CMTM1: variants seen among roughly 807,000 people sequenced by gnomAD.
CMTM1 encodes the protein CKLF-like MARVEL transmembrane domain-containing protein 1.
Under a neutral mutation model 17.8 loss-of-function variants are expected in CMTM1, and 16 were observed. The ratio of observed to expected loss-of-function variants is 0.90; its 90% CI spans 0.61 to 1.37. CMTM1 has a LOEUF of 1.37. CMTM1 is among the 40% of genes most tolerant of loss of function. The pLI is 0.00. For missense variants in CMTM1, 354 were observed against 375.6 expected (o/e 0.94, Z 0.47); for synonymous variants, 169 against 154.6 (o/e 1.09, Z -0.69).
intron 2 of CMTM1, among the ~76,000 whole-genome samples, chr16:66,571,620 C>T (rs2013551408): frequency 6.6e-6 from 1 of 152,308 alleles, no homozygotes; most frequent in Non-Finnish European, 1.5e-5. Flanking sequence ...TAAATTTTAT[C>T]TCTGTATCTT....
At chr16:66,571,150 G>A (rs2013466025) in intron 2 of CMTM1, 1 of 457,362 alleles carries the variant, frequency 2.2e-6, no homozygotes, top group Non-Finnish European at 4.4e-6. Context: ...GCCGAGTACA[G>A]GAAGCAGACA....
intron 2 of CMTM1, among the ~76,000 whole-genome samples, chr16:66,574,588 T>C (rs1441783340): frequency 6.6e-6 from 1 of 152,244 alleles, no homozygotes; most frequent in Non-Finnish European, 1.5e-5. Context: ...AAACCTTAGC[T>C]CCAATGGACA....
intron 2 of CMTM1, among the ~76,000 whole-genome samples, chr16:66,575,996 T>A (rs954204264): frequency 7.2e-5 from 11 of 152,216 alleles, no homozygotes; most frequent in African/African-American, 2.7e-4. Context: ...TCCATTATTG[T>A]TTTGCTAAGG....
chr16:66,575,791 C>T (rs905743272), intron 2 of CMTM1, among the ~76,000 whole-genome samples: 19 of 152,218 alleles, frequency 1.2e-4, no homozygotes, highest in Admixed American at 6.5e-5. Context: ...TCCATGATAC[C>T]ATACACTGGA....
Position 66,566,955 on chromosome 16 carries a change from G to A in CMTM1, c.432+10G>A, listed in dbSNP as rs776403973. On this transcript the variant is annotated intron_variant, in intron 1 of 3. Coordinates refer to ENST00000379500, the MANE Select transcript of CMTM1 (RefSeq NM_052999.4). The surrounding 1 kb of genome is among the most constrained non-coding windows in gnomAD (Gnocchi z 4.9). The stretch of plus-strand genomic sequence containing the variant: ...GAAGATCCTGAGACTGGTGAGCGGA[G>A]AGCTGGTGAGACCTAGCTGGGCGGA... The A allele has an allele frequency of 1.9e-6, 3 of 1,613,960 alleles. No homozygotes were observed. In the Admixed American group the frequency reaches 5.0e-5, roughly 27 times the overall value.
chr16:66,577,854 G>T (rs2014440602), intron 3 of CMTM1, among the ~76,000 whole-genome samples: 1 of 152,190 alleles, frequency 6.6e-6, no homozygotes, highest in Non-Finnish European at 1.5e-5. Context: ...TAGGGCTTTG[G>T]TTCAAGAAGT....
intron 3 of CMTM1, among the ~76,000 whole-genome samples, chr16:66,578,193 A>C (rs1597184749): frequency 6.6e-6 from 1 of 151,950 alleles, no homozygotes; most frequent in African/African-American, 2.4e-5. Context: ...AGGGGTTCCC[A>C]CCCCCAGGTA....
chr16:66,568,037 ACTACT>A (rs1183112685), intron 1 of CMTM1, among the ~76,000 whole-genome samples: 2 of 152,254 alleles, frequency 1.3e-5, no homozygotes. Context: ...TAATTCTGAC[ACTACT>A]CTAACTTTGT....
At chr16:66,573,979 G>A (rs1440660992) in intron 2 of CMTM1, among the ~76,000 whole-genome samples, 2 of 151,190 alleles carry the variant, frequency 1.3e-5, no homozygotes, top group East Asian at 3.9e-4. Context: ...GAGCCACCGT[G>A]CCTGGCCTGT....
intron 1 of CMTM1, 76 bp from the exon 2 acceptor site, chr16:66,569,860 T>C (rs2013221652): frequency 9.0e-7 from 1 of 1,111,802 alleles, no homozygotes; most frequent in Non-Finnish European, 1.3e-6. Flanking sequence ...TACTGTGATA[T>C]AATCAGATTT....
rs749962292 is a variant in CMTM1, at chr16:66,569,953, A to C, written c.450A>C (p.Ala150=). Reference sequence around the variant, plus strand: ...TATTGCAGAGTCTTATCTTAGGAGCATTAGCTTGTTTCATCATCACCCAAG... The same window carrying C: ...TATTGCAGAGTCTTATCTTAGGAGCCTTAGCTTGTTTCATCATCACCCAAG... The part of the protein sequence containing the change: ...KILRLSLILG[A]LACFIITQAN... The change falls in exon 2 of 4, where the codon GCA becomes GCC. Residue 150 remains alanine, a synonymous_variant. Coordinates refer to ENST00000379500, the MANE Select transcript of CMTM1 (RefSeq NM_052999.4). The C allele has an allele frequency of 1.9e-6, 3 of 1,608,020 alleles. No homozygotes were observed. The East Asian group carries it at 6.7e-5, about 36-fold the overall frequency.
chr16:66,572,209 C>T (rs2013651290), intron 2 of CMTM1, among the ~76,000 whole-genome samples: 2 of 152,122 alleles, frequency 1.3e-5, no homozygotes, highest in South Asian at 4.1e-4. Context: ...GATGGTTGCC[C>T]AGTTATTCTG....
chr16:66,576,997 G>C, intron 2 of CMTM1, 107 bp from the exon 3 acceptor site: 3 of 920,644 alleles, frequency 3.3e-6, no homozygotes. Context: ...TAATCAAATG[G>C]AAGGTTTTTT....
chr16:66,574,477 A>G (rs1254493174), intron 2 of CMTM1, among the ~76,000 whole-genome samples: 1 of 152,222 alleles, frequency 6.6e-6, no homozygotes, highest in Non-Finnish European at 1.5e-5. Context: ...GGATAATGAG[A>G]GTTTGTTGTG....
chr16:66,568,641 C>A (rs2012989288), intron 1 of CMTM1, among the ~76,000 whole-genome samples: 1 of 152,136 alleles, frequency 6.6e-6, no homozygotes, highest in Admixed American at 6.5e-5. Context: ...AATCCCAGCA[C>A]TTTGGGAGGC....
intron 3 of CMTM1, among the ~76,000 whole-genome samples, chr16:66,577,903 C>A (rs1307172597): frequency 6.6e-6 from 1 of 152,194 alleles, no homozygotes; most frequent in Non-Finnish European, 1.5e-5. Context: ...AAAAAGAGTT[C>A]ATTTGAATTC....
intron 1 of CMTM1, 107 bp downstream of exon 1, chr16:66,567,052 C>T: frequency 8.3e-7 from 1 of 1,200,396 alleles, no homozygotes; most frequent in South Asian, 1.3e-5. Flanking sequence ...ATTCACTTTG[C>T]CACTCACCTT....
chr16:66,566,608 G>A lies in CMTM1; in HGVS notation c.95G>A (p.Ser32Asn), dbSNP rs763744387. 1 of 1,614,052 alleles carries A rather than the reference G, an allele frequency of 6.2e-7. No homozygotes were observed. The highest frequency in any genetic ancestry group is 8.5e-7 in the Non-Finnish European group (1 of 1,179,986). Residue 32 changes from serine (S) to asparagine (N), a missense_variant, in exon 1 of 4, where the codon AGC becomes AAC. Ser to Asn is a conservative substitution (Grantham distance 46, BLOSUM62 1). Coordinates refer to ENST00000379500, the MANE Select transcript of CMTM1 (RefSeq NM_052999.4). This position sits in a 1 kb window ranked among gnomAD's most constrained non-coding sequence, Gnocchi z 4.9. ...GCCGCAGCCCTGGCAAGTAGCGGCA[G>A]CGTAGTGAGTTCTGTACCCAAGGCA... is the stretch of plus-strand genomic sequence containing the variant. ...ETAAALASSG[S>N]VVSSVPKAQR...
Position 66,578,957 on chromosome 16 carries a change from G to T in CMTM1, c.817G>T (p.Ala273Ser). The change falls in exon 4 of 4, where the codon GCC becomes TCC. Residue 273 changes from alanine (A) to serine (S), a missense_variant. Coordinates refer to ENST00000379500, the MANE Select transcript of CMTM1 (RefSeq NM_052999.4). The part of the protein sequence containing the change: ...VERKLSPAKD[A>S]YPETGPDAPQ... ...AAGGAAGCTTTCCCCCGCCAAGGAC[G>T]CCTACCCCGAAACCGGCCCCGACGC... 6.2e-7 allele frequency: 1 copy of T among 1,614,058 alleles called. No homozygotes were observed. The highest frequency in any genetic ancestry group is 8.5e-7 in the Non-Finnish European group (1 of 1,180,022).
Sources: allele counts gnomAD v4.1 joint callset (sites outside exome capture counted in the v4.1 genomes callset), GRCh38; gene constraint gnomAD v4.1.1; non-coding constraint Gnocchi (gnomAD v3.1); transcripts MANE v1.5; gene names NCBI Gene and HGNC (gene_info 2026-07-23, HGNC 2026-07-21).